ROBO2: variants seen among roughly 807,000 people sequenced by gnomAD.
ROBO2 encodes roundabout guidance receptor 2.
ROBO2 carries 53 observed loss-of-function variants against 160.8 expected under a neutral mutation model. The observed-to-expected ratio is 0.33, with a 90% CI of 0.26 to 0.41. The LOEUF (loss-of-function observed/expected upper bound fraction) is 0.41. ROBO2 is among the 10% of genes least tolerant of loss of function. The pLI is 1.00. For missense variants in ROBO2, 1,577 were observed against 1,722.4 expected (o/e 0.92, Z 1.49); for synonymous variants, 664 against 611.7 (o/e 1.09, Z -1.26).
intron 2 of ROBO2, among the ~76,000 whole-genome samples, chr3:76,457,959 C>G (rs533085680): frequency 6.6e-6 from 1 of 152,066 alleles, no homozygotes. Flanking sequence ...ACCTGGCCCA[C>G]GAAATCACTT....
At chr3:77,328,099 A>G (rs948212013) in intron 2 of ROBO2, among the ~76,000 whole-genome samples, 2 of 150,450 alleles carry the variant, frequency 1.3e-5, no homozygotes, top group African/African-American at 2.4e-5. Context: ...AAAAAAAGGA[A>G]CATTAGAAAT....
chr3:77,437,372 T>C (rs1284524057), intron 2 of ROBO2, among the ~76,000 whole-genome samples: 1 of 152,016 alleles, frequency 6.6e-6, no homozygotes, highest in Non-Finnish European at 1.5e-5. Context: ...TGTGCTCAAG[T>C]ACTGAAATTT....
chr3:77,551,134 G>A, intron 8 of ROBO2, 145 bp downstream of exon 9: 1 of 867,394 alleles, frequency 1.2e-6, no homozygotes, highest in Non-Finnish European at 1.8e-6. Context: ...CATTCTTTTG[G>A]TAGTTTCTAA....
intron 2 of ROBO2, among the ~76,000 whole-genome samples, chr3:76,174,071 G>C (rs2073137107): frequency 6.6e-6 from 1 of 152,056 alleles, no homozygotes; most frequent in Admixed American, 6.6e-5. Flanking sequence ...GGCATGACGT[G>C]GTATCTCATT....
At chr3:76,047,250 G>T (rs1486617685) in intron 2 of ROBO2, among the ~76,000 whole-genome samples, 1 of 152,124 alleles carries the variant, frequency 6.6e-6, no homozygotes, top group Non-Finnish European at 1.5e-5. Flanking sequence ...GGTTGAACTT[G>T]TGGACTAATA....
At chr3:77,000,179 T>C (rs939426787) in intron 2 of ROBO2, among the ~76,000 whole-genome samples, 9 of 152,130 alleles carry the variant, frequency 5.9e-5, no homozygotes, top group South Asian at 2.1e-4. Context: ...CCCTTGGAAA[T>C]AGACCACTGA....
intron 2 of ROBO2, among the ~76,000 whole-genome samples, chr3:76,382,086 C>T (rs1394666257): frequency 6.6e-6 from 1 of 152,166 alleles, no homozygotes; most frequent in African/African-American, 2.4e-5. Flanking sequence ...ATCCTCCCAC[C>T]TACCTAGTAG....
At chr3:76,617,322 C>A (rs1023189799) in intron 2 of ROBO2, among the ~76,000 whole-genome samples, 82 of 152,000 alleles carry the variant, frequency 5.4e-4, no homozygotes, top group African/African-American at 2.0e-3. Context: ...TGTGATTTGT[C>A]TTGAATGGGG....
At chr3:77,193,717 A>C (rs34589150) in intron 2 of ROBO2, among the ~76,000 whole-genome samples, 29,802 of 152,002 alleles carry the variant, frequency 0.2, 3,367 homozygotes, top group Middle Eastern at 0.31. Flanking sequence ...CTGGTTTAAG[A>C]ATTTGCACCA....
At chr3:76,014,986 C>G (rs979873892) in intron 2 of ROBO2, among the ~76,000 whole-genome samples, 2 of 152,038 alleles carry the variant, frequency 1.3e-5, no homozygotes, top group African/African-American at 4.8e-5. Flanking sequence ...AAAAAGTAGG[C>G]CCTCAATAAC....
chr3:76,085,667 A>G (rs1275066713), intron 2 of ROBO2, among the ~76,000 whole-genome samples: 2 of 152,176 alleles, frequency 1.3e-5, no homozygotes, highest in African/African-American at 2.4e-5. Context: ...AGACACAGGC[A>G]GATACAGAGT....
intron 2 of ROBO2, among the ~76,000 whole-genome samples, chr3:76,668,038 C>T (rs2092119745): frequency 6.6e-6 from 1 of 152,164 alleles, no homozygotes; most frequent in Non-Finnish European, 1.5e-5. Context: ...CACTCTACTG[C>T]TGTGGCTGTT....
chr3:76,747,846 C>T (rs1426284217), intron 2 of ROBO2, among the ~76,000 whole-genome samples: 5 of 151,874 alleles, frequency 3.3e-5, no homozygotes, highest in Non-Finnish European at 5.9e-5. Context: ...ATACTTACAT[C>T]TAGTTTTAAT....
chr3:77,154,508 A>G (rs1212213589), intron 2 of ROBO2, among the ~76,000 whole-genome samples: 2 of 152,092 alleles, frequency 1.3e-5, no homozygotes, highest in African/African-American at 2.4e-5. Flanking sequence ...CAAACCAACA[A>G]TCCCATTTCT....
At chr3:76,301,554 T>G (rs1438268695) in intron 2 of ROBO2, among the ~76,000 whole-genome samples, 1 of 152,132 alleles carries the variant, frequency 6.6e-6, no homozygotes, top group Non-Finnish European at 1.5e-5. Flanking sequence ...TTTAAGGTCA[T>G]GTACTTGATC....
intron 2 of ROBO2, among the ~76,000 whole-genome samples, chr3:76,070,814 A>G (rs547730024): frequency 6.6e-6 from 1 of 152,192 alleles, no homozygotes; most frequent in East Asian, 1.9e-4. Context: ...GCACTTAGGG[A>G]AAATAGAAAA....
intron 2 of ROBO2, among the ~76,000 whole-genome samples, chr3:77,259,749 G>A (rs1382690116): frequency 1.3e-5 from 2 of 152,172 alleles, no homozygotes; most frequent in Non-Finnish European, 2.9e-5. Flanking sequence ...TCACTTCCGT[G>A]CTTTGTCTGT....
intron 2 of ROBO2, among the ~76,000 whole-genome samples, chr3:76,932,447 C>T (rs1296093482): frequency 6.7e-6 from 1 of 149,810 alleles, no homozygotes; most frequent in Non-Finnish European, 1.5e-5. Flanking sequence ...CACACATACA[C>T]GTGTCACAAA....
chr3:76,562,747 A>G (rs1274353502), intron 2 of ROBO2, among the ~76,000 whole-genome samples: 3 of 152,228 alleles, frequency 2.0e-5, no homozygotes, highest in African/African-American at 7.2e-5. Context: ...CTATTCATTA[A>G]GAATGAGGTC....
Sources: gnomAD v4.1 joint callset for allele counts (sites outside exome capture counted in the v4.1 genomes callset) on GRCh38, gnomAD v4.1.1 for gene constraint, MANE v1.5 for transcripts, NCBI Gene and HGNC (gene_info 2026-07-23, HGNC 2026-07-21) for gene names.